Variants in ELP4 observed in about 807,000 individuals in gnomAD.
ELP4 encodes elongator complex protein 4.
In ELP4, 51 loss-of-function variants were observed where a neutral mutation model predicts 48.9. The ratio of observed to expected loss-of-function variants is 1.04; its 90% confidence interval spans 0.83 to 1.32. The LOEUF is 1.32. ELP4 is among the 40% of genes most tolerant of loss of function. The probability of loss-of-function intolerance (pLI) is 0.00; values close to 1 mark genes in which losing one functional copy is unlikely to be tolerated. For synonymous variants in ELP4, 210 were observed against 189.2 expected, an observed-to-expected ratio of 1.11 and a Z score of -0.90; for missense variants, 519 against 514.6, an observed-to-expected ratio of 1.01 and a Z score of -0.08.
intron 1 of ELP4, among the ~76,000 whole-genome samples, chr11:31,514,495 G>A (rs904042304): frequency 1.3e-5 from 2 of 152,168 alleles, no homozygotes; most frequent in African/African-American, 4.8e-5. Flanking sequence ...GACTTAGAAA[G>A]TGTGTTGGTA....
rs1170638301 is a variant in ELP4 at position 31,509,827 on chromosome 11, G to C, written c.43G>C (p.Gly15Arg). The C allele has an allele frequency of 1.2e-6, 2 of 1,614,156 alleles. No individual in the cohort carries two copies. Among genetic ancestry groups the C allele is most frequent in the East Asian group, 4.5e-5 (2 of 44,872 alleles). The change falls in exon 1 of 10, where the codon GGG (glycine) becomes CGG (arginine). Residue 15 changes from glycine to arginine, a missense_variant. Physicochemically the swap from Gly to Arg is moderately radical, Grantham distance 125. Coordinates refer to ENST00000640961, the MANE Select transcript of ELP4 (RefSeq NM_019040.5). ...CTGCGGTAGTGTTGCCGCGAGTACT[G>C]GGTCTGCAGTGGCGACAGCCAGCAA... Reference protein sequence around the residue: ...ATCGSVAASTGSAVATASKSN... With the variant: ...ATCGSVAASTRSAVATASKSN...
intron 9 of ELP4, among the ~76,000 whole-genome samples, chr11:31,695,542 C>A (rs538025554): frequency 0.028 from 4,218 of 151,170 alleles, 198 homozygotes; most frequent in African/African-American, 0.097. Flanking sequence ...TTTTGATGTG[C>A]TGCTGGATTT....
At chr11:31,717,809 T>A (rs1946871867) in intron 9 of ELP4, among the ~76,000 whole-genome samples, 1 of 152,170 alleles carries the variant, frequency 6.6e-6, no homozygotes, top group Admixed American at 6.5e-5. Context: ...TTTATTTCCT[T>A]TGTAATTTAG....
At chr11:31,649,985 A>G (rs1430047703) in intron 8 of ELP4, 130 bp from the exon 9 acceptor site, 2 of 479,332 alleles carry the variant, frequency 4.2e-6, no homozygotes, top group Admixed American at 3.9e-5. Flanking sequence ...TGCTCCTGGT[A>G]GTAAGCTCCA....
intron 6 of ELP4, among the ~76,000 whole-genome samples, chr11:31,631,036 C>T (rs1361571241): frequency 2.0e-5 from 3 of 152,078 alleles, no homozygotes; most frequent in African/African-American, 7.2e-5. Context: ...TTACATAGTC[C>T]TGACTGTAAT....
At chr11:31,525,298 A>C (rs193054215) in intron 2 of ELP4, among the ~76,000 whole-genome samples, 17 of 152,310 alleles carry the variant, frequency 1.1e-4, no homozygotes, top group African/African-American at 4.1e-4. Context: ...AGGACAACTG[A>C]TATCAGTGCA....
At chr11:31,549,038 A>G (rs1262609466) in intron 3 of ELP4, among the ~76,000 whole-genome samples, 3 of 152,162 alleles carry the variant, frequency 2.0e-5, no homozygotes, top group African/African-American at 7.2e-5. Context: ...AAACCCTAGA[A>G]GAAAACGTAG....
intron 3 of ELP4, among the ~76,000 whole-genome samples, chr11:31,542,618 T>C (rs1956610940): frequency 6.6e-6 from 1 of 152,218 alleles, no homozygotes; most frequent in Non-Finnish European, 1.5e-5. Context: ...ACTGCTGTGG[T>C]CCTGTCTAAT....
chr11:31,577,836 T>C (rs981240815), intron 3 of ELP4, among the ~76,000 whole-genome samples: 1 of 152,138 alleles, frequency 6.6e-6, no homozygotes, highest in Admixed American at 6.6e-5. Context: ...ACAGCCAACA[T>C]CATACTGAAT....
At chr11:31,689,652 C>A (rs983597272) in intron 9 of ELP4, among the ~76,000 whole-genome samples, 1 of 151,980 alleles carries the variant, frequency 6.6e-6, no homozygotes, top group Non-Finnish European at 1.5e-5. Context: ...CCACTGACTT[C>A]CCATCTTATG....
chr11:31,614,639 T>A (rs1453765859), intron 5 of ELP4, among the ~76,000 whole-genome samples: 1 of 152,184 alleles, frequency 6.6e-6, no homozygotes, highest in African/African-American at 2.4e-5. Flanking sequence ...ATTGCCTTAA[T>A]CAAGTTAACA....
At chr11:31,703,362 CTTTA>C (rs968884751) in intron 9 of ELP4, among the ~76,000 whole-genome samples, 7 of 152,130 alleles carry the variant, frequency 4.6e-5, no homozygotes, top group African/African-American at 1.4e-4. Flanking sequence ...TAGATCACCT[CTTTA>C]TTTATATATA....
intron 2 of ELP4, among the ~76,000 whole-genome samples, chr11:31,530,970 A>G (rs1039458300): frequency 7.2e-5 from 11 of 152,204 alleles, no homozygotes; most frequent in African/African-American, 2.4e-4. Context: ...GCTTTTTGGC[A>G]GTTCTGTCAC....
intron 2 of ELP4, among the ~76,000 whole-genome samples, chr11:31,523,850 G>A (rs1354777430): frequency 1.3e-5 from 2 of 152,056 alleles, no homozygotes; most frequent in Non-Finnish European, 2.9e-5. Context: ...CTGACAGTCT[G>A]TTACATTGGT....
At chr11:31,668,675 C>CATGTGTATGTGTGTGTGT (rs757792983) in intron 9 of ELP4, among the ~76,000 whole-genome samples, 2 of 121,040 alleles carry the variant, frequency 1.7e-5, no homozygotes, top group African/African-American at 6.2e-5. Context: ...CCTTTGGTAC[C>CATGTGTATGTGTGTGTGT]GTGTGTGTGT....
At chr11:31,741,247 T>C (rs1947440891) in intron 9 of ELP4, among the ~76,000 whole-genome samples, 1 of 152,064 alleles carries the variant, frequency 6.6e-6, no homozygotes, top group Non-Finnish European at 1.5e-5. Context: ...AAGCGGCCGG[T>C]AAGCTGGAAC....
At chr11:31,569,422 A>G (rs1225656408) in intron 3 of ELP4, among the ~76,000 whole-genome samples, 2 of 152,198 alleles carry the variant, frequency 1.3e-5, no homozygotes, top group East Asian at 3.9e-4. Context: ...CACTGAAAAG[A>G]GAGCAAAGGA....
chr11:31,691,796 A>G (rs954626081), intron 9 of ELP4, among the ~76,000 whole-genome samples: 3 of 152,194 alleles, frequency 2.0e-5, no homozygotes, highest in Non-Finnish European at 2.9e-5. Context: ...TTATCATACC[A>G]CTTTTCCTAA....
chr11:31,758,750 T>C (rs1229980968), intron 9 of ELP4, among the ~76,000 whole-genome samples: 1 of 149,408 alleles, frequency 6.7e-6, no homozygotes, highest in African/African-American at 2.5e-5. Flanking sequence ...CACAGCAAAC[T>C]CCACCTTCCA....
Sources: gnomAD v4.1 joint callset for allele counts (sites outside exome capture counted in the v4.1 genomes callset) on GRCh38, gnomAD v4.1.1 for gene constraint, MANE v1.5 for transcripts, NCBI Gene and HGNC (gene_info 2026-07-23, HGNC 2026-07-21) for gene names.